TMEM132D: variants seen among roughly 807,000 people sequenced by gnomAD.
The protein encoded by TMEM132D is transmembrane protein 132D.
A neutral mutation model predicts 62.3 loss-of-function variants in TMEM132D; 21 were observed. The ratio of observed to expected loss-of-function variants is 0.34; its 90% CI spans 0.24 to 0.49. The LOEUF (loss-of-function observed/expected upper bound fraction) is 0.49, where lower values mean the gene tolerates loss of function less well. TMEM132D is among the 20% of genes least tolerant of loss of function. The pLI is 0.99. For synonymous variants in TMEM132D, 621 were observed against 575.6 expected (o/e 1.08, Z -1.13); for missense variants, 1,346 against 1,402.8 (o/e 0.96, Z 0.65).
At chr12:129,773,135 C>T (rs1449237064) in intron 1 of TMEM132D, among the ~76,000 whole-genome samples, 1 of 152,218 alleles carries the variant, frequency 6.6e-6, no homozygotes, top group Non-Finnish European at 1.5e-5. Flanking sequence ...TGTAGGCATT[C>T]CATTCGTAGG....
chr12:129,899,435 ATGGG>A (rs1246727698), intron 1 of TMEM132D, among the ~76,000 whole-genome samples: 3 of 142,882 alleles, frequency 2.1e-5, no homozygotes, highest in Admixed American at 1.4e-4. Context: ...GGATGGATGG[ATGGG>A]TGGATGGGTA....
chr12:129,115,785 C>T (rs1302246681), intron 5 of TMEM132D, among the ~76,000 whole-genome samples: 1 of 152,152 alleles, frequency 6.6e-6, no homozygotes, highest in African/African-American at 2.4e-5. Flanking sequence ...TCATGGATCT[C>T]ACCTGGATGA....
chr12:129,665,611 G>C (rs1245081472), intron 2 of TMEM132D, among the ~76,000 whole-genome samples: 3 of 152,042 alleles, frequency 2.0e-5, no homozygotes, highest in South Asian at 2.1e-4. Context: ...TATTTGCTGA[G>C]TCATCTGCAA....
intron 3 of TMEM132D, among the ~76,000 whole-genome samples, chr12:129,430,771 C>A (rs538777147): frequency 1.3e-5 from 2 of 152,234 alleles, no homozygotes; most frequent in Non-Finnish European, 2.9e-5. Context: ...GCGCCTCAGA[C>A]TTCCCCAGTT....
chr12:129,413,375 T>C (rs11060330), intron 3 of TMEM132D, among the ~76,000 whole-genome samples: 77,551 of 152,048 alleles, frequency 0.51, 20,165 homozygotes, highest in East Asian at 0.76. Context: ...TGCCTTCTGC[T>C]ATGATTGTGA....
chr12:129,786,026 C>A (rs1179660543), intron 1 of TMEM132D, among the ~76,000 whole-genome samples: 1 of 152,166 alleles, frequency 6.6e-6, no homozygotes, highest in Non-Finnish European at 1.5e-5. Context: ...AAGGTGATAG[C>A]AAAATATGGC....
intron 2 of TMEM132D, among the ~76,000 whole-genome samples, chr12:129,655,872 G>T (rs1367764993): frequency 6.6e-6 from 1 of 152,178 alleles, no homozygotes; most frequent in Non-Finnish European, 1.5e-5. Context: ...GGACATGTTG[G>T]TGACTTCCTG....
intron 1 of TMEM132D, among the ~76,000 whole-genome samples, chr12:129,717,955 G>C (rs1430715124): frequency 1.3e-5 from 2 of 152,168 alleles, no homozygotes; most frequent in Non-Finnish European, 2.9e-5. Flanking sequence ...GACTGCACTG[G>C]CCTGGATACA....
At chr12:129,207,236 A>G (rs1878877921) in intron 5 of TMEM132D, among the ~76,000 whole-genome samples, 1 of 147,872 alleles carries the variant, frequency 6.8e-6, no homozygotes, top group Non-Finnish European at 1.5e-5. Flanking sequence ...TCCAAGGAGG[A>G]CAGTCAGAAG....
At chr12:129,322,950 A>C (rs1868769157) in intron 4 of TMEM132D, among the ~76,000 whole-genome samples, 1 of 152,214 alleles carries the variant, frequency 6.6e-6, no homozygotes, top group African/African-American at 2.4e-5. Context: ...CTTGCATATA[A>C]CTGCAAATTC....
At chr12:129,234,781 G>C (rs1389287430) in intron 4 of TMEM132D, among the ~76,000 whole-genome samples, 2 of 152,188 alleles carry the variant, frequency 1.3e-5, no homozygotes, top group Non-Finnish European at 1.5e-5. Context: ...TATTGTGGGA[G>C]AGTATAATGA....
intron 2 of TMEM132D, among the ~76,000 whole-genome samples, chr12:129,542,018 G>A (rs1041308000): frequency 2.6e-5 from 4 of 152,172 alleles, no homozygotes. Flanking sequence ...TGCCTCCAAT[G>A]GGAGATATCA....
At chr12:129,331,270 T>A (rs1475198354) in intron 4 of TMEM132D, among the ~76,000 whole-genome samples, 1 of 152,224 alleles carries the variant, frequency 6.6e-6, no homozygotes, top group Non-Finnish European at 1.5e-5. Flanking sequence ...AGCTCTGCGG[T>A]CTTCCCCAGG....
intron 3 of TMEM132D, among the ~76,000 whole-genome samples, chr12:129,444,839 G>A (rs753641024): frequency 2.0e-5 from 3 of 152,204 alleles, no homozygotes; most frequent in Admixed American, 6.5e-5. Context: ...AACAGATGCT[G>A]GAGAGGTTGT....
intron 5 of TMEM132D, among the ~76,000 whole-genome samples, chr12:129,102,706 A>C (rs1875354370): frequency 6.6e-6 from 1 of 152,242 alleles, no homozygotes; most frequent in Non-Finnish European, 1.5e-5. Context: ...CCTTGGAAAC[A>C]AAACCCACAA....
chr12:129,472,087 A>G (rs10744420), intron 3 of TMEM132D, among the ~76,000 whole-genome samples: 148,491 of 152,328 alleles, frequency 0.97, 72,488 homozygotes, highest in East Asian at 1. Context: ...TAAGACCACC[A>G]ATGAAGATGG....
intron 1 of TMEM132D, among the ~76,000 whole-genome samples, chr12:129,758,303 C>T (rs1379322206): frequency 6.6e-6 from 1 of 152,120 alleles, no homozygotes; most frequent in Non-Finnish European, 1.5e-5. Flanking sequence ...ATATTTCTTC[C>T]TCTTCAACTC....
At chr12:129,119,973 G>T (rs1314909811) in intron 5 of TMEM132D, among the ~76,000 whole-genome samples, 1 of 152,028 alleles carries the variant, frequency 6.6e-6, no homozygotes, top group Non-Finnish European at 1.5e-5. Context: ...TGTCAACTGT[G>T]AAAAACCTAG....
chr12:129,862,293 A>C (rs530236808), intron 1 of TMEM132D, among the ~76,000 whole-genome samples: 31 of 152,334 alleles, frequency 2.0e-4, no homozygotes, highest in African/African-American at 7.2e-4. Context: ...TCAAGCCTCA[A>C]ATCAGGTGGA....
Sources: allele counts gnomAD v4.1 joint callset (sites outside exome capture counted in the v4.1 genomes callset), GRCh38; gene constraint gnomAD v4.1.1; transcripts MANE v1.5; gene names NCBI Gene and HGNC (gene_info 2026-07-23, HGNC 2026-07-21).